LARGE1: variants seen among roughly 807,000 people sequenced by gnomAD.
The protein encoded by LARGE1 is xylosyl- and glucuronyltransferase LARGE1.
In LARGE1, 43 loss-of-function variants were observed where a neutral mutation model predicts 87.6. That is an observed-to-expected ratio of 0.49 (90% CI 0.38 to 0.63). The LOEUF is 0.63. LARGE1 is among the 30% of genes least tolerant of loss of function. The pLI is 0.00. For synonymous variants in LARGE1, 434 were observed against 394.6 expected (o/e 1.10, Z -1.18); for missense variants, 802 against 1,000.2 (o/e 0.80, Z 2.67).
At chr22:33,524,173 C>T (rs2071756317) in intron 6 of LARGE1, among the ~76,000 whole-genome samples, 1 of 151,890 alleles carries the variant, frequency 6.6e-6, no homozygotes, top group Non-Finnish European at 1.5e-5. Context: ...CACCTATAAT[C>T]CCAGCTACTC....
chr22:33,867,837 G>C (rs899176903), intron 1 of LARGE1, among the ~76,000 whole-genome samples: 2 of 152,080 alleles, frequency 1.3e-5, no homozygotes, highest in Non-Finnish European at 2.9e-5. Flanking sequence ...TCTTTGGTAG[G>C]ACCTAGCTCA....
At position 33,814,172 on chromosome 22, in the gene LARGE1, T is replaced by C. The variant is rs532497214; in HGVS notation, c.-82-52614A>G. ...TTCCAGAATGCTCTCCAAGAAAGGC[T>C]AGTCAGATGGACTGTCAACCTCTTC... On this transcript the variant is annotated intron_variant, in intron 1 of 14. Coordinates refer to ENST00000397394, the MANE Select transcript of LARGE1 (RefSeq NM_133642.5). Among the ~76,000 whole-genome samples, 23 of 152,312 alleles carry C rather than the reference T, an allele frequency of 1.5e-4. 1 individual carries two copies. The highest frequency in any genetic ancestry group is 3.4e-3 in the Middle Eastern group (1 of 294).
At chr22:33,720,989 T>C (rs1179839614) in intron 2 of LARGE1, among the ~76,000 whole-genome samples, 1 of 152,222 alleles carries the variant, frequency 6.6e-6, no homozygotes, top group African/African-American at 2.4e-5. Context: ...GCTTACGGGA[T>C]TCCTGGAGGA....
intron 7 of LARGE1, among the ~76,000 whole-genome samples, chr22:33,385,641 A>T (rs1330485980): frequency 6.8e-6 from 1 of 148,032 alleles, no homozygotes; most frequent in Non-Finnish European, 1.5e-5. Flanking sequence ...GGCTTAGCTG[A>T]ATGGCTGAGA....
At chr22:33,510,077 G>A (rs2070982279) in intron 6 of LARGE1, among the ~76,000 whole-genome samples, 2 of 152,152 alleles carry the variant, frequency 1.3e-5, no homozygotes, top group African/African-American at 4.8e-5. Context: ...GAATAAACCT[G>A]AGAAATGAGC....
chr22:33,102,691 A>T, the LARGE1 span, among the ~76,000 whole-genome samples: 9 of 151,590 alleles, frequency 5.9e-5, no homozygotes, highest in Non-Finnish European at 1.5e-5. Context: ...GGGTTTCGCC[A>T]TGTTGAGCAG....
intron 1 of LARGE1, among the ~76,000 whole-genome samples, chr22:33,906,092 T>G (rs764167068): frequency 6.6e-6 from 1 of 152,084 alleles, no homozygotes; most frequent in Non-Finnish European, 1.5e-5. Flanking sequence ...ATTGCGCCAC[T>G]GCACTCCGGC....
chr22:33,314,305 C>T (rs974843738), intron 11 of LARGE1, among the ~76,000 whole-genome samples: 6 of 152,270 alleles, frequency 3.9e-5, no homozygotes, highest in Admixed American at 3.3e-4. Flanking sequence ...AAGAGACCGC[C>T]GGCCCCTGAA....
chr22:33,695,763 T>C (rs2082224634), intron 2 of LARGE1, among the ~76,000 whole-genome samples: 1 of 152,192 alleles, frequency 6.6e-6, no homozygotes, highest in African/African-American at 2.4e-5. Flanking sequence ...TTACATATAA[T>C]GAAATGCACA....
chr22:33,320,934 T>C (rs970738785), intron 10 of LARGE1: 6 of 152,234 alleles, frequency 3.9e-5, no homozygotes, highest in Admixed American at 2.0e-4. Flanking sequence ...TCCACCACCA[T>C]GCTGCTGCTT....
At chr22:33,186,526 T>G (rs1923484826) in intron 11 of LARGE1, among the ~76,000 whole-genome samples, 1 of 152,176 alleles carries the variant, frequency 6.6e-6, no homozygotes, top group Non-Finnish European at 1.5e-5. Flanking sequence ...TGCAAAAATC[T>G]TTGAGCTAAC....
chr22:33,832,070 A>G (rs2062988378), intron 1 of LARGE1, among the ~76,000 whole-genome samples: 1 of 152,208 alleles, frequency 6.6e-6, no homozygotes, highest in African/African-American at 2.4e-5. Flanking sequence ...TTCAGGAATC[A>G]AACATCTCCC....
chr22:33,401,997 TCAAATATG>T (rs1297227345), intron 7 of LARGE1, among the ~76,000 whole-genome samples: 6 of 152,296 alleles, frequency 3.9e-5, no homozygotes, highest in Non-Finnish European at 8.8e-5. Flanking sequence ...GTCCCTTCAT[TCAAATATG>T]CTGACTTCCA....
At chr22:33,196,540 T>G (rs1924091134) in intron 11 of LARGE1, among the ~76,000 whole-genome samples, 1 of 152,126 alleles carries the variant, frequency 6.6e-6, no homozygotes, top group Non-Finnish European at 1.5e-5. Flanking sequence ...ATGCCCAGAT[T>G]GCTTCACTGA....
intron 11 of LARGE1, among the ~76,000 whole-genome samples, chr22:33,218,426 T>C (rs1209909161): frequency 6.6e-6 from 1 of 152,164 alleles, no homozygotes; most frequent in Non-Finnish European, 1.5e-5. Flanking sequence ...ATACTATTCA[T>C]CCTCCAAAAC....
rs569371585 is a variant in LARGE1, at chr22:33,658,052, TCC to T, written c.107-7386_107-7385del. Among the ~76,000 whole-genome samples the T allele has an allele frequency of 5.6e-3, 859 of 152,248 alleles. 3 individuals carry two copies. Among genetic ancestry groups the T allele is most frequent in the Non-Finnish European group, 8.1e-3 (549 of 68,022 alleles). Reference sequence around the variant, plus strand: ...CACTGGCTCCAGATAAATGGCTCTTTCCGCACCGAACCGGAATGTCTCCTATT... The same window carrying T: ...CACTGGCTCCAGATAAATGGCTCTTTGCACCGAACCGGAATGTCTCCTATT... On this transcript the variant is annotated intron_variant, in intron 2 of 14. Transcript: ENST00000397394.
intron 1 of LARGE1, among the ~76,000 whole-genome samples, chr22:33,785,099 GTGTATACATACATATGTGTATATGCATA>G: frequency 1.6e-5 from 1 of 62,988 alleles, no homozygotes; most frequent in African/African-American, 7.6e-5. Flanking sequence ...GTATATACAT[GTGTATACATACATATGTGTATATGCATA>G]TATGTGTATA....
At chr22:33,884,951 G>A (rs560141466) in intron 1 of LARGE1, among the ~76,000 whole-genome samples, 2 of 152,224 alleles carry the variant, frequency 1.3e-5, no homozygotes, top group Non-Finnish European at 2.9e-5. Context: ...CCATGGGGGG[G>A]AGGAATTAAT....
chr22:33,746,596 TTA>T (rs1423380868), intron 2 of LARGE1: 3 of 152,240 alleles, frequency 2.0e-5, no homozygotes, highest in Admixed American at 6.5e-5. Context: ...GTAGGCAATG[TTA>T]TTAGAGTCCA....
Sources: gnomAD v4.1 joint callset for allele counts (sites outside exome capture counted in the v4.1 genomes callset) on GRCh38, gnomAD v4.1.1 for gene constraint, MANE v1.5 for transcripts, NCBI Gene and HGNC (gene_info 2026-07-23, HGNC 2026-07-21) for gene names.